Variants in EPHA6 observed in about 807,000 individuals in gnomAD.
The protein encoded by EPHA6 is EPH receptor A6.
EPHA6 carries 50 observed loss-of-function variants against 112.0 expected under a neutral mutation model. The ratio of observed to expected loss-of-function variants is 0.45; its 90% CI spans 0.36 to 0.56. The LOEUF is 0.56. Among genes scored for constraint, EPHA6 ranks in the 20% least tolerant of loss-of-function variants. The probability of loss-of-function intolerance (pLI) is 0.00; values close to 1 mark genes in which losing one functional copy is unlikely to be tolerated. For missense variants in EPHA6, 1,280 were observed against 1,417.4 expected (o/e 0.90, Z 1.56); for synonymous variants, 529 against 490.7 (o/e 1.08, Z -1.03).
intron 14 of EPHA6, among the ~76,000 whole-genome samples, chr3:97,662,465 C>T (rs537504098): frequency 1.3e-5 from 2 of 152,228 alleles, no homozygotes; most frequent in East Asian, 3.9e-4. Flanking sequence ...AAGGACCTCT[C>T]ACCTGCAGCG....
At chr3:97,568,123 T>C (rs2093291206) in intron 11 of EPHA6, among the ~76,000 whole-genome samples, 1 of 152,150 alleles carries the variant, frequency 6.6e-6, no homozygotes. Flanking sequence ...CTTTGCTAGC[T>C]CCAGGTTTTG....
intron 14 of EPHA6, among the ~76,000 whole-genome samples, chr3:97,643,122 G>C (rs2094024722): frequency 6.6e-6 from 1 of 152,104 alleles, no homozygotes; most frequent in Non-Finnish European, 1.5e-5. Flanking sequence ...CCAGAAGAGA[G>C]TGGGGGCCAA....
intron 3 of EPHA6, among the ~76,000 whole-genome samples, chr3:97,089,123 C>T (rs1030098132): frequency 6.6e-6 from 1 of 151,940 alleles, no homozygotes; most frequent in African/African-American, 2.4e-5. Context: ...TCACTCAGGA[C>T]GTTTGGAAAC....
intron 10 of EPHA6, 46 bp downstream of exon 10, chr3:97,484,105 T>C: frequency 1.3e-6 from 2 of 1,546,860 alleles, no homozygotes. Context: ...CCTTAATTTC[T>C]TTGTAACTGG....
intron 11 of EPHA6, chr3:97,560,520 G>C (rs1462935881): frequency 2.6e-5 from 4 of 152,054 alleles, no homozygotes; most frequent in Non-Finnish European, 5.9e-5. Context: ...GGTGGCTACT[G>C]TATTGGACAA....
intron 3 of EPHA6, among the ~76,000 whole-genome samples, chr3:97,168,147 T>G (rs2076586476): frequency 6.6e-6 from 1 of 152,178 alleles, no homozygotes. Flanking sequence ...GCTGACATAA[T>G]GGAAAATATC....
chr3:97,552,383 T>C (rs569838888), intron 11 of EPHA6, among the ~76,000 whole-genome samples: 11 of 152,126 alleles, frequency 7.2e-5, no homozygotes, highest in Admixed American at 2.0e-4. Context: ...AATTGAGAAC[T>C]AGCCAAGAAA....
intron 2 of EPHA6, among the ~76,000 whole-genome samples, chr3:96,962,504 A>G (rs1016972124): frequency 6.8e-6 from 1 of 146,922 alleles, no homozygotes; most frequent in East Asian, 2.0e-4. Flanking sequence ...CTAATACTAA[A>G]CCCACTTTTA....
intron 13 of EPHA6, among the ~76,000 whole-genome samples, chr3:97,619,136 A>G (rs1330208921): frequency 1.4e-5 from 2 of 142,842 alleles, no homozygotes; most frequent in Non-Finnish European, 3.0e-5. Context: ...AATGTGATTC[A>G]TAACATAAAC....
intron 2 of EPHA6, among the ~76,000 whole-genome samples, chr3:96,951,684 C>T (rs1226596661): frequency 1.3e-5 from 2 of 152,084 alleles, no homozygotes; most frequent in African/African-American, 4.8e-5. Context: ...ATTTAAGCAA[C>T]TAATCTGATT....
At chr3:97,715,223 G>C (rs886223595) in intron 14 of EPHA6, among the ~76,000 whole-genome samples, 1 of 152,154 alleles carries the variant, frequency 6.6e-6, no homozygotes, top group Non-Finnish European at 1.5e-5. Flanking sequence ...CTGAGAAATT[G>C]TGGGCAAATG....
chr3:97,552,080 ATTC>A (rs2093036204), intron 11 of EPHA6, among the ~76,000 whole-genome samples: 1 of 152,198 alleles, frequency 6.6e-6, no homozygotes, highest in Non-Finnish European at 1.5e-5. Context: ...GTTTCAAATT[ATTC>A]TTCTTAAATG....
At chr3:97,160,813 T>G (rs1211947576) in intron 3 of EPHA6, among the ~76,000 whole-genome samples, 1 of 152,150 alleles carries the variant, frequency 6.6e-6, no homozygotes, top group East Asian at 1.9e-4. Context: ...GGATTCCCCT[T>G]CACCAGTGTT....
intron 1 of EPHA6, among the ~76,000 whole-genome samples, chr3:96,850,394 G>A (rs2035312340): frequency 6.6e-6 from 1 of 152,112 alleles, no homozygotes; most frequent in South Asian, 2.1e-4. Context: ...ATGAAGAAAG[G>A]AACTGTCCTA....
chr3:97,269,499 C>T (rs184871628), intron 5 of EPHA6, among the ~76,000 whole-genome samples: 7 of 152,270 alleles, frequency 4.6e-5, no homozygotes, highest in East Asian at 1.9e-4. Context: ...AGCTTCATTT[C>T]GAACAAAAAT....
chr3:97,545,626 C>T (rs968363713), intron 11 of EPHA6, among the ~76,000 whole-genome samples: 1 of 152,080 alleles, frequency 6.6e-6, no homozygotes, highest in African/African-American at 2.4e-5. Flanking sequence ...TCCTTGCTAA[C>T]TTTCTGTCTC....
At chr3:97,184,639 C>G (rs1293503474) in intron 3 of EPHA6, among the ~76,000 whole-genome samples, 1 of 152,102 alleles carries the variant, frequency 6.6e-6, no homozygotes, top group Non-Finnish European at 1.5e-5. Context: ...GCCATACTGC[C>G]CAAAGTAAGT....
intron 1 of EPHA6, among the ~76,000 whole-genome samples, chr3:96,864,398 CA>C (rs2036186616): frequency 6.6e-6 from 1 of 152,012 alleles, no homozygotes; most frequent in African/African-American, 2.4e-5. Context: ...CATGCAGTGA[CA>C]TAGATGGATC....
chr3:96,998,308 A>G (rs1239494052), intron 3 of EPHA6, among the ~76,000 whole-genome samples: 1 of 151,910 alleles, frequency 6.6e-6, no homozygotes, highest in South Asian at 2.1e-4. Context: ...AGTGAAATTA[A>G]TATGTATATA....
Sources: gnomAD v4.1 joint callset for allele counts (sites outside exome capture counted in the v4.1 genomes callset) on GRCh38, gnomAD v4.1.1 for gene constraint, MANE v1.5 for transcripts, NCBI Gene and HGNC (gene_info 2026-07-23, HGNC 2026-07-21) for gene names.